Variants in VAMP4 observed in about 807,000 individuals in gnomAD.
The protein encoded by VAMP4 is vesicle-associated membrane protein 4.
Under a neutral mutation model 23.5 loss-of-function variants are expected in VAMP4, and 19 were observed. The ratio of observed to expected loss-of-function variants is 0.81; its 90% confidence interval spans 0.56 to 1.19. VAMP4 has a LOEUF of 1.19. Ranked by LOEUF, VAMP4 falls within the 50% of genes most tolerant of loss-of-function variation. The pLI is 0.00. For synonymous variants in VAMP4, 31 were observed against 51.0 expected (o/e 0.61, Z 1.67); for missense variants, 145 against 168.6 (o/e 0.86, Z 0.78).
Position 171,727,657 on chromosome 1 carries a change from C to A in VAMP4, c.113+867G>T, listed in dbSNP as rs1572251323. ...AAAACCTGCACACAAATGTTTATAA[C>A]AGCTTTATATGTAAAAGCCAAAAAG... On this transcript the variant is annotated intron_variant, in intron 3 of 7. Coordinates refer to ENST00000236192, the MANE Select transcript of VAMP4 (RefSeq NM_003762.5). Among the ~76,000 whole-genome samples, 4 of 152,126 alleles carry A rather than the reference C, an allele frequency of 2.6e-5. No homozygotes were observed. The South Asian group carries it at 8.3e-4, about 32-fold the overall frequency.
intron 7 of VAMP4, 46 bp downstream of exon 7, chr1:171,706,309 TAAAATGAACTCC>T: frequency 6.5e-7 from 1 of 1,526,980 alleles, no homozygotes; most frequent in Non-Finnish European, 8.9e-7. Flanking sequence ...AAAAGGGAAT[TAAAATGAACTCC>T]AAAATAAATG....
intron 2 of VAMP4, among the ~76,000 whole-genome samples, chr1:171,737,866 A>G (rs977972993): frequency 2.6e-5 from 4 of 152,260 alleles, no homozygotes; most frequent in Admixed American, 1.3e-4. Flanking sequence ...TGGAAGTAGA[A>G]TTCAGTTGTC....
chr1:171,706,502 T>C, intron 6 of VAMP4, 84 bp from the exon 7 acceptor site: 1 of 1,300,394 alleles, frequency 7.7e-7, no homozygotes, highest in South Asian at 1.5e-5. Context: ...TACTGCATCA[T>C]ACTAAATCAT....
chr1:171,715,919 T>C (rs1486140052), intron 4 of VAMP4, among the ~76,000 whole-genome samples: 1 of 152,128 alleles, frequency 6.6e-6, no homozygotes, highest in Non-Finnish European at 1.5e-5. Flanking sequence ...AAGGATCAAT[T>C]GAGCCCAGGA....
intron 6 of VAMP4, 109 bp downstream of exon 6, chr1:171,709,556 T>G (rs1354404912): frequency 2.1e-6 from 2 of 943,120 alleles, no homozygotes. Context: ...AGGACAGTTA[T>G]AGGCCCTGTT....
rs1250246816 is a variant in VAMP4 at position 171,703,910 on chromosome 1, C to A, written c.*596G>T. On this transcript the variant is annotated 3_prime_UTR_variant, in exon 8 of 8. Coordinates refer to ENST00000236192, the MANE Select transcript of VAMP4 (RefSeq NM_003762.5). ...TAATCCAATGCCAAAAAAATTACTA[C>A]ACATTCTCTTACACAGTCAAAAATA... is the stretch of plus-strand genomic sequence containing the variant. 1 of 152,328 alleles carries A rather than the reference C, an allele frequency of 6.6e-6. No homozygotes were observed. The highest frequency in any genetic ancestry group is 2.4e-5 in the African/African-American group (1 of 41,420). 9.4% of individuals were successfully genotyped at this position (152,328 alleles called of 1,614,324 possible).
chr1:171,719,223 T>C lies in VAMP4; in HGVS notation c.114-2A>G. The C allele has an allele frequency of 6.2e-7, 1 of 1,611,128 alleles. No homozygotes were observed. The highest frequency in any genetic ancestry group is 8.5e-7 in the Non-Finnish European group (1 of 1,178,410). Reference sequence around the variant, plus strand: ...AATCTTGGTCCAGATGGTCCCCTTCTGAAAACAAGTACATACCAAGTACAT... The same window carrying C: ...AATCTTGGTCCAGATGGTCCCCTTCCGAAAACAAGTACATACCAAGTACAT... On this transcript the variant is annotated splice_acceptor_variant, in intron 3 of 7. Coordinates refer to ENST00000236192, the MANE Select transcript of VAMP4 (RefSeq NM_003762.5). LOFTEE classifies it high-confidence loss of function.
Position 171,703,509 on chromosome 1 carries a change from C to CTGA in VAMP4, c.*994_*996dup, listed in dbSNP as rs1332528327. 1 of 139,164 alleles carries CTGA rather than the reference C, an allele frequency of 7.2e-6. No homozygotes were observed. Among genetic ancestry groups the CTGA allele is most frequent in the Non-Finnish European group, 1.5e-5 (1 of 65,442 alleles). 8.6% of individuals were successfully genotyped at this position (139,164 alleles called of 1,614,324 possible). On this transcript the variant is annotated 3_prime_UTR_variant, in exon 8 of 8. Coordinates refer to ENST00000236192, the MANE Select transcript of VAMP4 (RefSeq NM_003762.5). The stretch of plus-strand genomic sequence containing the variant: ...ACTTTCTACTACTCATTACTGTTGG[C>CTGA]TGATGCAAAATTTGATTGTGCAACA...
chr1:171,719,060 C>T, intron 4 of VAMP4, 111 bp downstream of exon 4: 1 of 894,484 alleles, frequency 1.1e-6, no homozygotes, highest in South Asian at 1.8e-5. Flanking sequence ...TCCAATAAAA[C>T]TTTATTTACA....
chr1:171,735,113 C>T (rs1486153528), intron 2 of VAMP4, among the ~76,000 whole-genome samples: 2 of 152,114 alleles, frequency 1.3e-5, no homozygotes, highest in African/African-American at 2.4e-5. Context: ...TAGTATATCA[C>T]GCCTGGACTT....
At position 171,725,995 on chromosome 1, in the gene VAMP4, C is replaced by T. The variant is rs962822041; in HGVS notation, c.113+2529G>A. 1.4e-4 allele frequency among the ~76,000 whole-genome samples: 20 copies of T among 147,564 alleles called. 1 individual carries two copies. The highest frequency in any genetic ancestry group is 3.0e-5 in the Non-Finnish European group (2 of 66,852). ...GAGCCACTGTGCCTGGCCAGGTTTC[C>T]GTTAATTTTTATAAAATGTTTTCAC... On this transcript the variant is annotated intron_variant, in intron 3 of 7. Coordinates refer to ENST00000236192, the MANE Select transcript of VAMP4 (RefSeq NM_003762.5).
At chr1:171,734,197 G>A (rs567298436) in intron 2 of VAMP4, among the ~76,000 whole-genome samples, 1 of 151,356 alleles carries the variant, frequency 6.6e-6, no homozygotes, top group South Asian at 2.1e-4. Context: ...GAACCCAGGA[G>A]GTGGAGGTTG....
intron 4 of VAMP4, among the ~76,000 whole-genome samples, chr1:171,715,574 C>T (rs1655001132): frequency 6.6e-6 from 1 of 152,184 alleles, no homozygotes; most frequent in African/African-American, 2.4e-5. Context: ...ATAATCTCTA[C>T]TTTACTTGTG....
chr1:171,740,511 GT>G (rs1330916283), intron 1 of VAMP4, among the ~76,000 whole-genome samples: 1 of 152,164 alleles, frequency 6.6e-6, no homozygotes, highest in Non-Finnish European at 1.5e-5. Context: ...TTATTCACTT[GT>G]AACAAAAACC....
intron 6 of VAMP4, among the ~76,000 whole-genome samples, chr1:171,707,962 T>C (rs890619294): frequency 6.6e-6 from 1 of 152,094 alleles, no homozygotes; most frequent in Non-Finnish European, 1.5e-5. Context: ...CATGGACTTT[T>C]TGTTTTTCTA....
chr1:171,734,020 C>A (rs928562569), intron 2 of VAMP4, among the ~76,000 whole-genome samples: 1 of 152,090 alleles, frequency 6.6e-6, no homozygotes, highest in Non-Finnish European at 1.5e-5. Flanking sequence ...GATCTCCCAG[C>A]ACTTTGGGAG....
At chr1:171,741,174 C>CT (rs1410526009) in intron 1 of VAMP4, among the ~76,000 whole-genome samples, 2 of 152,208 alleles carry the variant, frequency 1.3e-5, no homozygotes, top group South Asian at 2.1e-4. Flanking sequence ...CCGTATGCTT[C>CT]TTATACATCA....
intron 1 of VAMP4, among the ~76,000 whole-genome samples, chr1:171,739,503 C>T (rs12096984): frequency 0.35 from 53,383 of 152,070 alleles, 9,828 homozygotes; most frequent in African/African-American, 0.47. Flanking sequence ...AGCAAATAAA[C>T]TGAACACAAG....
At position 171,728,681 on chromosome 1, in the gene VAMP4, T is replaced by C. The variant is rs80282976; in HGVS notation, c.67-111A>G. 40 of 1,037,866 alleles carry C rather than the reference T, an allele frequency of 3.9e-5. No individual in the cohort carries two copies. In the Middle Eastern group the frequency reaches 6.7e-4, roughly 17 times the overall value. The allele number at this position is 1,037,866 out of a possible 1,614,324, so 64.3% of individuals were successfully genotyped here. A position where few individuals can be genotyped will look rare whatever the true frequency, so the allele number is the denominator to read the frequency against. ...TAGTGAAATTTCTTAACTCCAGGTG[T>C]CCATAAAGAGGGAAAAGTAATTACA... On this transcript the variant is annotated intron_variant, in intron 2 of 7. Coordinates refer to ENST00000236192, the MANE Select transcript of VAMP4 (RefSeq NM_003762.5).
Sources: allele counts gnomAD v4.1 joint callset (sites outside exome capture counted in the v4.1 genomes callset), GRCh38; gene constraint gnomAD v4.1.1; transcripts MANE v1.5; gene names NCBI Gene and HGNC (gene_info 2026-07-23, HGNC 2026-07-21).